Variants in COG6 observed in about 807,000 individuals in gnomAD.
The protein encoded by COG6 is component of oligomeric golgi complex 6.
Under a neutral mutation model 88.8 loss-of-function variants are expected in COG6, and 74 were observed. The observed-to-expected ratio is 0.83, with a 90% confidence interval of 0.69 to 1.01. The LOEUF (loss-of-function observed/expected upper bound fraction) is 1.01, where lower values mean the gene tolerates loss of function less well. Among genes scored for constraint, COG6 ranks in the 50% least tolerant of loss-of-function variants. COG6 has a pLI of 0.00. For missense variants in COG6, 800 were observed against 797.9 expected, an observed-to-expected ratio of 1.00 and a Z score of -0.03; for synonymous variants, 286 against 278.7, an observed-to-expected ratio of 1.03 and a Z score of -0.26.
intron 8 of COG6, among the ~76,000 whole-genome samples, chr13:39,685,321 A>G (rs1876572815): frequency 6.6e-6 from 1 of 152,174 alleles, no homozygotes; most frequent in African/African-American, 2.4e-5. Flanking sequence ...GTCTCTGGGA[A>G]GGATGTTTCA....
intron 4 of COG6, among the ~76,000 whole-genome samples, chr13:39,670,367 ATC>A (rs573279072): frequency 2.6e-3 from 394 of 152,244 alleles, no homozygotes; most frequent in African/African-American, 9.1e-3. Context: ...CAGAAAAATA[ATC>A]TCTGGAGAAT....
chr13:39,757,514 A>G (rs957494377), downstream of COG6, among the ~76,000 whole-genome samples: 4 of 152,100 alleles, frequency 2.6e-5, no homozygotes, highest in African/African-American at 9.7e-5. Flanking sequence ...TAATAAAACC[A>G]AAAGTTAATT....
At chr13:39,732,222 G>A (rs765332174) in intron 18 of COG6, among the ~76,000 whole-genome samples, 9 of 152,090 alleles carry the variant, frequency 5.9e-5, no homozygotes, top group Non-Finnish European at 1.2e-4. Flanking sequence ...TTAACTATCA[G>A]AGCTAATTTA....
Position 39,752,250 on chromosome 13 carries a change from T to A in COG6, c.*1157T>A. 1 of 992,692 alleles carries A rather than the reference T, an allele frequency of 1.0e-6. No individual in the cohort carries two copies. Among genetic ancestry groups the A allele is most frequent in the Non-Finnish European group, 1.3e-6 (1 of 763,164 alleles). The allele number at this position is 992,692 out of a possible 1,614,324, so 61.5% of individuals were successfully genotyped here. ...GGAAAAAAATAACTAGTTTGAAATA[T>A]TTTGAAAAGTAATAACATAAAACTA... is the stretch of plus-strand genomic sequence containing the variant. On this transcript the variant is annotated 3_prime_UTR_variant, in exon 19 of 19. Transcript: ENST00000455146.
At chr13:39,735,316 A>C (rs1566033352) in intron 18 of COG6, among the ~76,000 whole-genome samples, 1 of 152,100 alleles carries the variant, frequency 6.6e-6, no homozygotes, top group Non-Finnish European at 1.5e-5. Flanking sequence ...AATATCTTAT[A>C]CTGCATTATT....
At position 39,723,354 on chromosome 13, in the gene COG6, C is replaced by CT; in HGVS notation, c.1608dup (p.Ile537TyrfsTer3). On this transcript the variant is annotated frameshift_variant, in exon 16 of 19. Transcript: ENST00000455146. LOFTEE classifies it high-confidence loss of function. ...TTAGATCGAAGCACATTTGGACACA[C>CT]TTATAAATGAGCAAGCCTCTTATGT... 6.2e-7 allele frequency: 1 copy of CT among 1,608,640 alleles called. No homozygotes were observed.
Position 39,751,968 on chromosome 13 carries a change from G to T in COG6, c.*875G>T. On this transcript the variant is annotated 3_prime_UTR_variant, in exon 19 of 19. Transcript: ENST00000455146. The stretch of plus-strand genomic sequence containing the variant: ...CTGGTGTTCAAACCAAAGAAACAAT[G>T]ATCTACTCAAACATTGGAGAAAAAA... 1 of 1,220,318 alleles carries T rather than the reference G, an allele frequency of 8.2e-7. No homozygotes were observed. The highest frequency in any genetic ancestry group is 1.3e-5 in the South Asian group (1 of 79,554). The allele number at this position is 1,220,318 out of a possible 1,614,324, so 75.6% of individuals were successfully genotyped here.
downstream of COG6, among the ~76,000 whole-genome samples, chr13:39,753,036 A>G (rs570644729): frequency 6.6e-6 from 1 of 152,312 alleles, no homozygotes; most frequent in East Asian, 1.9e-4. Context: ...GATGACACAA[A>G]TGGACTAATT....
rs3812887 is a variant in COG6 at position 39,656,092 on chromosome 13, C to T, written c.153+213C>T. On this transcript the variant is annotated intron_variant, in intron 1 of 18. Coordinates refer to ENST00000455146, the MANE Select transcript of COG6 (RefSeq NM_020751.3). The stretch of plus-strand genomic sequence containing the variant: ...ACCTCCGGAAAAGCGAAGGGGTTTC[C>T]TGGGTGTTCTCTCCACCTGAAAAGG... 304,205 of 701,030 alleles carry T rather than the reference C, an allele frequency of 0.43. 68,675 individuals are homozygous for T. The highest frequency in any genetic ancestry group is 0.62 in the Admixed American group (30,683 of 49,402). 43.4% of individuals were successfully genotyped at this position (701,030 alleles called of 1,614,324 possible). A position where few individuals can be genotyped will look rare whatever the true frequency, so the allele number is the denominator to read the frequency against.
At chr13:39,662,253 A>G (rs4943688) in intron 3 of COG6, among the ~76,000 whole-genome samples, 99,783 of 150,922 alleles carry the variant, frequency 0.66, 33,203 homozygotes, top group Admixed American at 0.77. Flanking sequence ...CAGCCTCCCA[A>G]GTAGCTAGGA....
chr13:39,658,063 CTTTTTT>C (rs57263267), intron 1 of COG6, among the ~76,000 whole-genome samples: 1 of 139,524 alleles, frequency 7.2e-6, no homozygotes, highest in Admixed American at 7.0e-5. Flanking sequence ...ATTCTTGTCA[CTTTTTT>C]TTTTTTTTTT....
intron 18 of COG6, among the ~76,000 whole-genome samples, chr13:39,737,731 G>T (rs1879837642): frequency 2.0e-5 from 3 of 151,956 alleles, no homozygotes; most frequent in African/African-American, 4.8e-5. Flanking sequence ...GCTTGCCCAG[G>T]AATTAGAGCC....
At chr13:39,664,363 A>G (rs1875109216) in intron 3 of COG6, among the ~76,000 whole-genome samples, 1 of 152,200 alleles carries the variant, frequency 6.6e-6, no homozygotes, top group Admixed American at 6.5e-5. Flanking sequence ...TACGTGCCTC[A>G]TGACTACTTC....
chr13:39,661,033 G>T (rs1874865574), intron 3 of COG6, 152 bp downstream of exon 3: 3 of 640,136 alleles, frequency 4.7e-6, no homozygotes, highest in Admixed American at 5.2e-5. Context: ...AGCTATCTTT[G>T]TGTTTCTTTG....
At chr13:39,725,749 A>T (rs1012343538) in intron 17 of COG6, among the ~76,000 whole-genome samples, 2 of 151,932 alleles carry the variant, frequency 1.3e-5, no homozygotes, top group African/African-American at 2.4e-5. Flanking sequence ...GATATTAAAA[A>T]GTTTAAATAA....
At chr13:39,762,379 T>A (rs1418329238) in intron 18 of COG6, among the ~76,000 whole-genome samples, 1 of 151,224 alleles carries the variant, frequency 6.6e-6, no homozygotes, top group African/African-American at 2.4e-5. Context: ...GAGATGGGAG[T>A]GGGGATAGTC....
At chr13:39,779,594 G>A (rs1032913845) in intron 18 of COG6, among the ~76,000 whole-genome samples, 1 of 152,178 alleles carries the variant, frequency 6.6e-6, no homozygotes, top group East Asian at 1.9e-4. Flanking sequence ...AGACCAAATG[G>A]CACCCAGGGT....
chr13:39,776,107 G>T (rs1415005029), intron 18 of COG6, among the ~76,000 whole-genome samples: 1 of 152,112 alleles, frequency 6.6e-6, no homozygotes, highest in Admixed American at 6.5e-5. Flanking sequence ...TCAGCAAAAA[G>T]CTGGAAAAAC....
At chr13:39,679,310 A>G in intron 5 of COG6, 1 of 513,508 alleles carries the variant, frequency 1.9e-6, no homozygotes, top group Admixed American at 3.5e-5. Context: ...AACTGTCAAC[A>G]CTATTTGGCA....
Sources: allele counts gnomAD v4.1 joint callset (sites outside exome capture counted in the v4.1 genomes callset), GRCh38; gene constraint gnomAD v4.1.1; transcripts MANE v1.5; gene names NCBI Gene and HGNC (gene_info 2026-07-23, HGNC 2026-07-21).